MARCHF1: variants seen among roughly 807,000 people sequenced by gnomAD.
MARCHF1 encodes the protein E3 ubiquitin-protein ligase MARCHF1.
MARCHF1 carries 40 observed loss-of-function variants against 54.2 expected under a neutral mutation model. The ratio of observed to expected loss-of-function variants is 0.74; its 90% CI spans 0.57 to 0.96. The LOEUF (loss-of-function observed/expected upper bound fraction) is 0.96, where lower values mean the gene tolerates loss of function less well. MARCHF1 is among the 40% of genes least tolerant of loss of function. The probability of loss-of-function intolerance (pLI) is 0.00; values close to 1 mark genes in which losing one functional copy is unlikely to be tolerated. For missense variants in MARCHF1, 586 were observed against 656.5 expected (o/e 0.89, Z 1.17); for synonymous variants, 236 against 236.3 (o/e 1.00, Z 0.01).
chr4:163,579,415 T>C (rs1366799173), intron 8 of MARCHF1, among the ~76,000 whole-genome samples: 1 of 152,236 alleles, frequency 6.6e-6, no homozygotes, highest in African/African-American at 2.4e-5. Context: ...TTTTTTGTTA[T>C]TTTGTAGTCT....
At chr4:164,123,299 A>G (rs931023482) in intron 1 of MARCHF1, among the ~76,000 whole-genome samples, 2 of 152,152 alleles carry the variant, frequency 1.3e-5, no homozygotes, top group African/African-American at 4.8e-5. Context: ...TGATGAAAGC[A>G]GTTGAAGAGG....
intron 1 of MARCHF1, among the ~76,000 whole-genome samples, chr4:164,241,947 T>C (rs1732775294): frequency 6.6e-6 from 1 of 152,036 alleles, no homozygotes; most frequent in South Asian, 2.1e-4. Context: ...CACCACGAGA[T>C]TATATCCCAC....
chr4:164,373,236 A>C (rs548185413), intron 1 of MARCHF1, among the ~76,000 whole-genome samples: 4 of 152,184 alleles, frequency 2.6e-5, no homozygotes, highest in African/African-American at 9.6e-5. Flanking sequence ...TAGTGAGTGG[A>C]GATTTCAACA....
At position 163,527,767 on chromosome 4, in the gene MARCHF1, A is replaced by T. The variant is rs1738177324; in HGVS notation, c.*981T>A. The stretch of plus-strand genomic sequence containing the variant: ...TTAATTCAAGTTGAAGTGTACTTTT[A>T]AATTACCAACTGGATTTTGAAAACT... On this transcript the variant is annotated 3_prime_UTR_variant, in exon 10 of 10. Coordinates refer to ENST00000514618, the MANE Select transcript of MARCHF1 (RefSeq NM_001394959.1). The T allele has an allele frequency of 2.0e-5, 3 of 151,460 alleles. No individual in the cohort carries two copies. The highest frequency in any genetic ancestry group is 7.3e-5 in the African/African-American group (3 of 41,370). The allele number at this position is 151,460 out of a possible 1,614,324, so 9.4% of individuals were successfully genotyped here. A position where few individuals can be genotyped will look rare whatever the true frequency, so the allele number is the denominator to read the frequency against.
intron 2 of MARCHF1, among the ~76,000 whole-genome samples, chr4:164,047,748 C>T (rs537712132): frequency 9.2e-5 from 14 of 152,142 alleles, no homozygotes; most frequent in Non-Finnish European, 2.1e-4. Flanking sequence ...CAGCCTAAAT[C>T]CAGAGTAAAA....
rs577704071 is a variant in MARCHF1, at chr4:163,588,824, A to T, written c.1011-2895T>A. 1.1e-3 allele frequency among the ~76,000 whole-genome samples: 167 copies of T among 152,320 alleles called. 1 individual carries two copies. The highest frequency in any genetic ancestry group is 1.1e-3 in the Non-Finnish European group (76 of 68,028). On this transcript the variant is annotated intron_variant, in intron 7 of 9. Coordinates refer to ENST00000514618, the MANE Select transcript of MARCHF1 (RefSeq NM_001394959.1). ...TAAATGATTCAATTCAATATTTACA[A>T]TCTGACCCTTTCAGAAAATGGTCAT...
chr4:163,820,516 C>A (rs181718389), intron 4 of MARCHF1, among the ~76,000 whole-genome samples: 4 of 152,182 alleles, frequency 2.6e-5, no homozygotes, highest in Admixed American at 6.6e-5. Context: ...TCAACCCAGA[C>A]AATTCTTCAA....
intron 3 of MARCHF1, among the ~76,000 whole-genome samples, chr4:163,979,346 G>T (rs1381713736): frequency 6.7e-6 from 1 of 149,516 alleles, no homozygotes; most frequent in Non-Finnish European, 1.5e-5. Flanking sequence ...CAAAGGACAT[G>T]AACTCATCAT....
intron 4 of MARCHF1, among the ~76,000 whole-genome samples, chr4:163,837,313 C>T (rs1047304722): frequency 6.6e-6 from 1 of 151,198 alleles, no homozygotes; most frequent in Non-Finnish European, 1.5e-5. Context: ...AAAGCAGCTG[C>T]AATACAAAAA....
chr4:163,643,426 T>TAA (rs1742636964), intron 5 of MARCHF1, among the ~76,000 whole-genome samples: 1 of 152,124 alleles, frequency 6.6e-6, no homozygotes, highest in African/African-American at 2.4e-5. Flanking sequence ...CCTCCTGCTT[T>TAA]AGCAGCCTCA....
intron 1 of MARCHF1, among the ~76,000 whole-genome samples, chr4:164,177,079 T>A (rs555635170): frequency 8.1e-5 from 12 of 148,982 alleles, no homozygotes; most frequent in Non-Finnish European, 1.2e-4. Context: ...ATTTATGCAG[T>A]CTTTTCTGAT....
At chr4:163,858,692 C>G (rs893750977) in intron 3 of MARCHF1, among the ~76,000 whole-genome samples, 5 of 152,144 alleles carry the variant, frequency 3.3e-5, no homozygotes, top group African/African-American at 1.2e-4. Context: ...ATGTGTGAGC[C>G]TGTGTGTGTT....
intron 3 of MARCHF1, among the ~76,000 whole-genome samples, chr4:163,903,891 C>G (rs1319184998): frequency 3.3e-5 from 5 of 152,168 alleles, no homozygotes; most frequent in Non-Finnish European, 5.9e-5. Flanking sequence ...TCTAGTATTA[C>G]AGGCATGAGC....
intron 1 of MARCHF1, among the ~76,000 whole-genome samples, chr4:164,227,456 A>G (rs541485655): frequency 6.6e-6 from 1 of 152,252 alleles, no homozygotes; most frequent in East Asian, 1.9e-4. Context: ...AGGCCATGAC[A>G]TTAAAGGATT....
chr4:164,238,689 T>C (rs1732638852), intron 1 of MARCHF1, among the ~76,000 whole-genome samples: 2 of 152,006 alleles, frequency 1.3e-5, no homozygotes, highest in Admixed American at 6.6e-5. Flanking sequence ...CTGAGTTTCC[T>C]ACAATAGAAG....
intron 1 of MARCHF1, among the ~76,000 whole-genome samples, chr4:164,346,590 C>G (rs1196838214): frequency 2.4e-4 from 13 of 53,670 alleles, no homozygotes; most frequent in African/African-American, 7.4e-4. Flanking sequence ...GTCCTCAAAC[C>G]TGTATGTATG....
intron 1 of MARCHF1, among the ~76,000 whole-genome samples, chr4:164,221,526 T>A (rs974823761): frequency 2.6e-5 from 4 of 152,092 alleles, no homozygotes; most frequent in African/African-American, 9.7e-5. Context: ...GCATCAACTT[T>A]GCATTCATTA....
In MARCHF1 at chr4:163,641,184, C is replaced by T. The variant is rs1742541908; in HGVS notation, c.163-27791G>A. Among the ~76,000 whole-genome samples, 4 of 152,066 alleles carry T rather than the reference C, an allele frequency of 2.6e-5. No individual in the cohort carries two copies. In the South Asian group the frequency reaches 8.3e-4, roughly 31 times the overall value. ...CATGCTAATTTCTAAATAGTGTCTG[C>T]TATCAGAAGCTAAAGAACATTTAAT... On this transcript the variant is annotated intron_variant, in intron 5 of 9. Coordinates refer to ENST00000514618, the MANE Select transcript of MARCHF1 (RefSeq NM_001394959.1).
intron 8 of MARCHF1, among the ~76,000 whole-genome samples, chr4:163,578,695 A>G (rs1373137745): frequency 6.6e-6 from 1 of 152,166 alleles, no homozygotes; most frequent in Non-Finnish European, 1.5e-5. Context: ...GACCAAGCAC[A>G]TGATGGTGTC....
Sources: gnomAD v4.1 joint callset for allele counts (sites outside exome capture counted in the v4.1 genomes callset) on GRCh38, gnomAD v4.1.1 for gene constraint, MANE v1.5 for transcripts, NCBI Gene and HGNC (gene_info 2026-07-23, HGNC 2026-07-21) for gene names.